Variants in ZHX3 observed in about 807,000 individuals in gnomAD.
ZHX3 encodes the protein zinc fingers and homeoboxes 3.
ZHX3 carries 20 observed loss-of-function variants against 64.5 expected under a neutral mutation model. The ratio of observed to expected loss-of-function variants is 0.31; its 90% CI spans 0.22 to 0.45. The LOEUF is 0.45. ZHX3 is among the 20% of genes least tolerant of loss of function. The probability of loss-of-function intolerance (pLI) is 1.00; values close to 1 mark genes in which losing one functional copy is unlikely to be tolerated. For synonymous variants in ZHX3, 423 were observed against 461.6 expected (o/e 0.92, Z 1.07); for missense variants, 1,041 against 1,195.8 (o/e 0.87, Z 1.91).
chr20:41,190,005 GTT>G (rs549779026), intron 3 of ZHX3, among the ~76,000 whole-genome samples: 1 of 147,672 alleles, frequency 6.8e-6, no homozygotes, highest in Non-Finnish European at 1.5e-5. Context: ...TTTTCTGAGT[GTT>G]TTTTTTTTAT....
chr20:41,216,732 C>G (rs1185809534), intron 2 of ZHX3, among the ~76,000 whole-genome samples: 1 of 152,154 alleles, frequency 6.6e-6, no homozygotes, highest in Non-Finnish European at 1.5e-5. Flanking sequence ...TACTGAATTT[C>G]TTACAAGTAA....
chr20:41,231,068 G>A (rs2040573168), intron 2 of ZHX3, among the ~76,000 whole-genome samples: 1 of 152,082 alleles, frequency 6.6e-6, no homozygotes, highest in Non-Finnish European at 1.5e-5. Flanking sequence ...ATCATTTACT[G>A]TCTCTATAGT....
At chr20:41,188,814 C>A (rs1271398208) in intron 3 of ZHX3, among the ~76,000 whole-genome samples, 2 of 152,132 alleles carry the variant, frequency 1.3e-5, no homozygotes, top group Non-Finnish European at 2.9e-5. Flanking sequence ...CATATTGTCT[C>A]TGTGCTGATT....
intron 1 of ZHX3, among the ~76,000 whole-genome samples, chr20:41,295,352 T>C (rs566687483): frequency 3.3e-5 from 5 of 152,296 alleles, no homozygotes; most frequent in African/African-American, 1.2e-4. Context: ...GAAACTATCA[T>C]ATATAATTAT....
chr20:41,204,458 C>CT lies in ZHX3; in HGVS notation c.458dup (p.Ser154GlufsTer4), dbSNP rs1271006277. On this transcript the variant is annotated frameshift_variant, in exon 3 of 4. Coordinates refer to ENST00000683867, the MANE Select transcript of ZHX3 (RefSeq NM_001384317.1). LOFTEE classifies it high-confidence loss of function. This position sits in a 1 kb window ranked among gnomAD's most constrained non-coding sequence, Gnocchi z 6.6. ...GAGTGCTGGTGCTCTCAGGGATGCT[C>CT]TGCTCCACAACCACATGATTGTCTG... The CT allele has an allele frequency of 6.2e-7, 1 of 1,614,110 alleles. No homozygotes were observed. Among genetic ancestry groups the CT allele is most frequent in the Non-Finnish European group, 8.5e-7 (1 of 1,180,056 alleles).
chr20:41,243,776 G>C (rs1416771758), intron 2 of ZHX3, among the ~76,000 whole-genome samples: 2 of 152,100 alleles, frequency 1.3e-5, no homozygotes, highest in Non-Finnish European at 2.9e-5. Flanking sequence ...ATGTTGAAGG[G>C]GGCTATTAGA....
At chr20:41,307,306 G>T (rs1007168388) in intron 1 of ZHX3, among the ~76,000 whole-genome samples, 1 of 152,182 alleles carries the variant, frequency 6.6e-6, no homozygotes, top group African/African-American at 2.4e-5. Context: ...ACCCAGAAAT[G>T]AGATGGTGAG....
intron 2 of ZHX3, among the ~76,000 whole-genome samples, chr20:41,235,012 T>C (rs1052364925): frequency 2.6e-5 from 4 of 152,252 alleles, no homozygotes; most frequent in Non-Finnish European, 5.9e-5. Context: ...GAAATGAGTA[T>C]AGTTCAGCTA....
At chr20:41,309,373 A>C (rs2045065452) in intron 1 of ZHX3, among the ~76,000 whole-genome samples, 1 of 152,212 alleles carries the variant, frequency 6.6e-6, no homozygotes, top group South Asian at 2.1e-4. Flanking sequence ...AGAATTACCA[A>C]GTGGGGAGGG....
At position 41,203,111 on chromosome 20, in the gene ZHX3, T is replaced by C. The variant is rs1244135873; in HGVS notation, c.1806A>G (p.Arg602=). The C allele has an allele frequency of 6.2e-7, 1 of 1,613,904 alleles. No individual in the cohort carries two copies. Among genetic ancestry groups the C allele is most frequent in the East Asian group, 2.2e-5 (1 of 44,878 alleles). Residue 602 remains arginine (R), a synonymous_variant, in exon 3 of 4, where the codon CGA becomes CGG. Transcript: ENST00000683867. This position sits in a 1 kb window ranked among gnomAD's most constrained non-coding sequence, Gnocchi z 7.1. ...AGTCAGGAGTCTGGTGCCAAGATTG[T>C]CGTTTGGCAGAAGGGTGGGTTGCTA... ...ATLATHPSAK[R]QSWHQTPDFT... is the part of the protein sequence containing the mutation.
intron 2 of ZHX3, among the ~76,000 whole-genome samples, chr20:41,266,547 CTTTTTTT>C (rs56086714): frequency 7.1e-6 from 1 of 140,702 alleles, no homozygotes; most frequent in Non-Finnish European, 1.5e-5. Flanking sequence ...CCCAATCTTT[CTTTTTTT>C]TTTTTTTTTT....
chr20:41,210,500 T>C (rs1600789733), intron 2 of ZHX3, among the ~76,000 whole-genome samples: 2 of 152,214 alleles, frequency 1.3e-5, no homozygotes, highest in South Asian at 2.1e-4. Context: ...ATATACACCA[T>C]GGAATACTAT....
rs1219648345 is a variant in ZHX3 at position 41,226,672 on chromosome 20, G to T, written c.-150-21606C>A. ...TGTCATCAAATTATCTTCCTCTCAA[G>T]CTCACTCCCTAGTCCTTTCTGATAA... On this transcript the variant is annotated intron_variant, in intron 2 of 3. Coordinates refer to ENST00000683867, the MANE Select transcript of ZHX3 (RefSeq NM_001384317.1). This position sits in a 1 kb window ranked among gnomAD's most constrained non-coding sequence, Gnocchi z 4.4. Among the ~76,000 whole-genome samples the T allele has an allele frequency of 1.3e-5, 2 of 152,048 alleles. No individual in the cohort carries two copies. Among genetic ancestry groups the T allele is most frequent in the African/African-American group, 4.8e-5 (2 of 41,396 alleles).
rs1268575648 is a variant in ZHX3 at position 41,224,001 on chromosome 20, T to A, written c.-150-18935A>T. 2.6e-5 allele frequency among the ~76,000 whole-genome samples: 4 copies of A among 152,190 alleles called. No homozygotes were observed. Among genetic ancestry groups the A allele is most frequent in the African/African-American group, 9.7e-5 (4 of 41,446 alleles). ...CTATATATTATATATTGCATTTGCC[T>A]CTGGCCATAAAGCCATAGTTCAAAA... On this transcript the variant is annotated intron_variant, in intron 2 of 3. Transcript: ENST00000683867. This position sits in a 1 kb window ranked among gnomAD's most constrained non-coding sequence, Gnocchi z 5.2.
At chr20:41,294,598 A>T (rs1482370814) in intron 1 of ZHX3, among the ~76,000 whole-genome samples, 1 of 152,152 alleles carries the variant, frequency 6.6e-6, no homozygotes, top group Non-Finnish European at 1.5e-5. Flanking sequence ...CCTGACCTCA[A>T]GTGATCCATC....
chr20:41,204,721 T>C lies in ZHX3; in HGVS notation c.196A>G (p.Asn66Asp), dbSNP rs1249297335. ...CCATCTAAAGTGCTCCGATGCCCAT[T>C]GGCCAGTGTAGAGCCATCAGTACTG... ...PSSTDGSTLANGHRSTLDGYL... is the reference protein window; with the variant it reads ...PSSTDGSTLADGHRSTLDGYL... The change falls in exon 3 of 4, where the codon AAT becomes GAT. Residue 66 changes from asparagine (N) to aspartate (D), a missense_variant. By Grantham distance (23) the Asn-to-Asp change is conservative (BLOSUM62 1). Around this residue, in one of 4 missense-constraint regions of ZHX3, gnomAD observed 358 missense variants for 369.1 expected, o/e 0.97. Coordinates refer to ENST00000683867, the MANE Select transcript of ZHX3 (RefSeq NM_001384317.1). This position sits in a 1 kb window ranked among gnomAD's most constrained non-coding sequence, Gnocchi z 6.6. The C allele has an allele frequency of 1.9e-6, 3 of 1,614,278 alleles. No individual in the cohort carries two copies. The highest frequency in any genetic ancestry group is 3.3e-5 in the Admixed American group (2 of 60,032).
In ZHX3 at chr20:41,228,928, T is replaced by A. The variant is rs2040431827; in HGVS notation, c.-150-23862A>T. ...AATACACATAACATAAAATTTACCA[T>A]CTTAATCATTTTTAGGTGGAGAGTT... On this transcript the variant is annotated intron_variant, in intron 2 of 3. Transcript: ENST00000683867. The surrounding 1 kb of genome is among the most constrained non-coding windows in gnomAD (Gnocchi z 4.6). Among the ~76,000 whole-genome samples, 1 of 152,186 alleles carries A rather than the reference T, an allele frequency of 6.6e-6. No homozygotes were observed. The highest frequency in any genetic ancestry group is 1.5e-5 in the Non-Finnish European group (1 of 68,034).
chr20:41,254,092 C>A (rs1458175167), intron 2 of ZHX3, among the ~76,000 whole-genome samples: 2 of 152,046 alleles, frequency 1.3e-5, no homozygotes, highest in Non-Finnish European at 2.9e-5. Flanking sequence ...TGAGACCAGC[C>A]TGGGCAACAT....
intron 1 of ZHX3, among the ~76,000 whole-genome samples, chr20:41,272,743 T>C (rs1450284186): frequency 1.3e-5 from 2 of 152,228 alleles, no homozygotes; most frequent in South Asian, 4.1e-4. Context: ...TATTCCACTG[T>C]ATATAGATGC....
Sources: gnomAD v4.1 joint callset for allele counts (sites outside exome capture counted in the v4.1 genomes callset) on GRCh38, gnomAD v4.1.1 for gene constraint, gnomAD v4.1.1 regional missense constraint, Gnocchi (gnomAD v3.1) non-coding constraint, MANE v1.5 for transcripts, NCBI Gene and HGNC (gene_info 2026-07-23, HGNC 2026-07-21) for gene names.